The following GLG1 variants were observed in gnomAD, a reference collection of about 807,000 sequenced individuals.
The protein encoded by GLG1 is golgi glycoprotein 1.
GLG1 carries 38 observed loss-of-function variants against 160.5 expected under a neutral mutation model. The ratio of observed to expected loss-of-function variants is 0.24; its 90% CI spans 0.18 to 0.31. The LOEUF is 0.31. Ranked by LOEUF, GLG1 falls within the 10% of genes least tolerant of loss-of-function variation. The pLI is 1.00. For synonymous variants in GLG1, 644 were observed against 543.4 expected (o/e 1.19, Z -2.57); for missense variants, 1,373 against 1,505.2 (o/e 0.91, Z 1.45).
At chr16:74,456,414 C>G (rs571258323) in intron 25 of GLG1, 2 of 458,598 alleles carry the variant, frequency 4.4e-6, no homozygotes, top group Admixed American at 8.3e-5. Flanking sequence ...CCTGCCTCGG[C>G]CTCCCAAAAC....
chr16:74,538,727 GAT>G (rs981820048), intron 1 of GLG1, among the ~76,000 whole-genome samples: 6 of 64,314 alleles, frequency 9.3e-5, no homozygotes, highest in African/African-American at 3.7e-4. Context: ...GAGATTTTGA[GAT>G]TTTTTTTTTT....
intron 1 of GLG1, among the ~76,000 whole-genome samples, chr16:74,577,114 AG>A (rs2019026390): frequency 6.6e-6 from 1 of 152,162 alleles, no homozygotes; most frequent in Non-Finnish European, 1.5e-5. Flanking sequence ...TGGTAGAAAC[AG>A]GAGTCTCTCC....
Position 74,447,767 on chromosome 16 carries a change from T to G in GLG1, c.*5400A>C, listed in dbSNP as rs1287533932. The G allele has an allele frequency of 6.6e-6, 1 of 152,360 alleles. No homozygotes were observed. The highest frequency in any genetic ancestry group is 2.4e-5 in the African/African-American group (1 of 41,474). 9.4% of individuals were successfully genotyped at this position (152,360 alleles called of 1,614,324 possible). ...GAAGCTGCCCAGGAAGCGCTCCCGCTGCCGGCTTTCCGGAGGTCTCTGCCC... is the reference window on the plus strand; with the variant it reads ...GAAGCTGCCCAGGAAGCGCTCCCGCGGCCGGCTTTCCGGAGGTCTCTGCCC... On this transcript the variant is annotated 3_prime_UTR_variant, in exon 26 of 26. Coordinates refer to ENST00000422840, the MANE Select transcript of GLG1 (RefSeq NM_001145667.2).
intron 1 of GLG1, among the ~76,000 whole-genome samples, chr16:74,601,264 G>T (rs1361240350): frequency 6.6e-6 from 1 of 151,962 alleles, no homozygotes; most frequent in African/African-American, 2.4e-5. Context: ...ACTCATATAA[G>T]TTAGACAGCA....
intron 17 of GLG1, 42 bp downstream of exon 17, chr16:74,468,904 G>C (rs371372432): frequency 1.6e-6 from 2 of 1,218,204 alleles, no homozygotes; most frequent in Non-Finnish European, 2.4e-6. Flanking sequence ...TCCAAGCCCT[G>C]GCCCACTGTG....
At chr16:74,492,576 T>G (rs986922846) in intron 7 of GLG1, among the ~76,000 whole-genome samples, 9 of 151,502 alleles carry the variant, frequency 5.9e-5, no homozygotes, top group African/African-American at 2.2e-4. Context: ...CCAAGCACTT[T>G]GAGAGGCCAA....
Position 74,452,096 on chromosome 16 carries a change from C to G in GLG1, c.*1071G>C. On this transcript the variant is annotated 3_prime_UTR_variant, in exon 26 of 26. Transcript: ENST00000422840. ...TGTCACATCCTGAGACCACACTAAA[C>G]CTTTATAAGCCATTGTCTCTGACCT... 1.2e-6 allele frequency: 2 copies of G among 1,614,110 alleles called. No individual in the cohort carries two copies. The highest frequency in any genetic ancestry group is 1.7e-6 in the Non-Finnish European group (2 of 1,179,956).
At chr16:74,599,192 A>C (rs1338777666) in intron 1 of GLG1, among the ~76,000 whole-genome samples, 1 of 150,926 alleles carries the variant, frequency 6.6e-6, no homozygotes, top group Non-Finnish European at 1.5e-5. Context: ...TGAGGTAGGG[A>C]TAAAAACATC....
At chr16:74,467,652 A>G in intron 18 of GLG1, 104 bp downstream of exon 18, 1 of 762,624 alleles carries the variant, frequency 1.3e-6, no homozygotes, top group African/African-American at 1.7e-5. Flanking sequence ...ACCAGCAAAA[A>G]ATTCATGACT....
rs2015395682 is a variant in GLG1 at position 74,476,541 on chromosome 16, C to T, written c.1965+855G>A. ...GGGTTTTGTAGTGGTACAAATGGAA[C>T]CCAGAAACCTGAGTTCACTCCTTAT... On this transcript the variant is annotated intron_variant, in intron 12 of 25. Transcript: ENST00000422840. 3.9e-5 allele frequency among the ~76,000 whole-genome samples: 6 copies of T among 152,172 alleles called. No homozygotes were observed. The South Asian group carries it at 1.2e-3, about 31-fold the overall frequency.
intron 25 of GLG1, chr16:74,456,442 G>A (rs989661476): frequency 3.8e-6 from 2 of 520,262 alleles, no homozygotes; most frequent in Admixed American, 3.8e-5. Flanking sequence ...TTACAGGCGC[G>A]AGCCACCGCG....
At chr16:74,599,852 A>G (rs891315273) in intron 1 of GLG1, among the ~76,000 whole-genome samples, 22 of 151,124 alleles carry the variant, frequency 1.5e-4, no homozygotes, top group Non-Finnish European at 2.9e-4. Context: ...TGACAGAGCT[A>G]GACTCTGTCT....
At chr16:74,526,892 T>A (rs1003016660) in intron 2 of GLG1, among the ~76,000 whole-genome samples, 1 of 152,218 alleles carries the variant, frequency 6.6e-6, no homozygotes, top group African/African-American at 2.4e-5. Flanking sequence ...CATGTGATAG[T>A]CTGACTAGTG....
At chr16:74,559,989 C>T (rs2018462714) in intron 1 of GLG1, among the ~76,000 whole-genome samples, 1 of 152,222 alleles carries the variant, frequency 6.6e-6, no homozygotes, top group African/African-American at 2.4e-5. Flanking sequence ...ATAGTGCAAT[C>T]TGTCACAACT....
rs1176336262 is a variant in GLG1 at position 74,532,888 on chromosome 16, G to A, written c.439-735C>T. ...TTGGGGGAAGCTATGTGATGGGTAT[G>A]TAAGATCTCTAGGTACTGTTTTTGA... On this transcript the variant is annotated intron_variant, in intron 1 of 25. Coordinates refer to ENST00000422840, the MANE Select transcript of GLG1 (RefSeq NM_001145667.2). Among the ~76,000 whole-genome samples, 7 of 152,142 alleles carry A rather than the reference G, an allele frequency of 4.6e-5. No homozygotes were observed. The East Asian group carries it at 7.7e-4, about 17-fold the overall frequency.
At chr16:74,498,163 T>C (rs1252702242) in intron 4 of GLG1, among the ~76,000 whole-genome samples, 1 of 151,880 alleles carries the variant, frequency 6.6e-6, no homozygotes, top group Non-Finnish European at 1.5e-5. Context: ...CCCGGCACGA[T>C]GGCTCATGCC....
At chr16:74,551,937 T>A (rs1360788581) in intron 1 of GLG1, among the ~76,000 whole-genome samples, 3 of 151,276 alleles carry the variant, frequency 2.0e-5, no homozygotes, top group Non-Finnish European at 4.4e-5. Flanking sequence ...AAACGGCAAA[T>A]ATCTTTCTAG....
intron 3 of GLG1, among the ~76,000 whole-genome samples, chr16:74,505,214 C>A (rs553948451): frequency 1.3e-5 from 2 of 152,300 alleles, no homozygotes; most frequent in East Asian, 3.9e-4. Context: ...CTATAGGCAA[C>A]AGGTTGTCTT....
intron 1 of GLG1, among the ~76,000 whole-genome samples, chr16:74,532,891 A>C (rs1353625801): frequency 6.6e-6 from 1 of 152,192 alleles, no homozygotes. Context: ...TGGGTATGTA[A>C]GATCTCTAGG....
Sources: allele counts gnomAD v4.1 joint callset (sites outside exome capture counted in the v4.1 genomes callset), GRCh38; gene constraint gnomAD v4.1.1; transcripts MANE v1.5; gene names NCBI Gene and HGNC (gene_info 2026-07-23, HGNC 2026-07-21).